The following ANKS1B variants were observed in gnomAD, a reference collection of about 807,000 sequenced individuals.
ANKS1B encodes ankyrin repeat and sterile alpha motif domain containing 1B, also known as ankyrin repeat and sterile alpha motif domain-containing protein 1B.
In ANKS1B, 36 loss-of-function variants were observed where a neutral mutation model predicts 148.3. The ratio of observed to expected loss-of-function variants is 0.24; its 90% CI spans 0.19 to 0.32. The LOEUF (loss-of-function observed/expected upper bound fraction) is 0.32, where lower values mean the gene tolerates loss of function less well. ANKS1B is among the 10% of genes least tolerant of loss of function. The probability of loss-of-function intolerance (pLI) is 1.00; values close to 1 mark genes in which losing one functional copy is unlikely to be tolerated. For synonymous variants in ANKS1B, 542 were observed against 560.8 expected (o/e 0.97, Z 0.47); for missense variants, 1,157 against 1,542.6 (o/e 0.75, Z 4.19).
chr12:98,854,393 T>C (rs1343697979), intron 17 of ANKS1B, among the ~76,000 whole-genome samples: 6 of 152,210 alleles, frequency 3.9e-5, no homozygotes, highest in Non-Finnish European at 8.8e-5. Flanking sequence ...ATCCTTGAGA[T>C]TTAAAATGAG....
intron 9 of ANKS1B, among the ~76,000 whole-genome samples, chr12:99,545,824 T>C (rs1303832186): frequency 6.6e-6 from 1 of 150,692 alleles, no homozygotes; most frequent in Non-Finnish European, 1.5e-5. Flanking sequence ...GGCTTCTTTG[T>C]TGCTTTTCTT....
intron 10 of ANKS1B, among the ~76,000 whole-genome samples, chr12:99,458,756 G>C (rs905158025): frequency 2.0e-5 from 3 of 151,792 alleles, no homozygotes; most frequent in Admixed American, 1.3e-4. Flanking sequence ...CAGCAAGATT[G>C]AAATGGTAAT....
At chr12:99,583,979 T>C (rs372955621) in intron 9 of ANKS1B, among the ~76,000 whole-genome samples, 1 of 152,222 alleles carries the variant, frequency 6.6e-6, no homozygotes, top group African/African-American at 2.4e-5. Flanking sequence ...GGCCCATTTT[T>C]CTGAAAAAAT....
At chr12:98,862,825 G>C (rs2099606269) in intron 17 of ANKS1B, among the ~76,000 whole-genome samples, 1 of 152,066 alleles carries the variant, frequency 6.6e-6, no homozygotes, top group Non-Finnish European at 1.5e-5. Flanking sequence ...TACACATTCA[G>C]GGCACATTTA....
At chr12:99,677,727 A>G (rs1320769438) in intron 8 of ANKS1B, among the ~76,000 whole-genome samples, 2 of 152,192 alleles carry the variant, frequency 1.3e-5, no homozygotes, top group African/African-American at 2.4e-5. Context: ...TAATCCCAGC[A>G]CTTTGGGAGG....
intron 25 of ANKS1B, among the ~76,000 whole-genome samples, chr12:98,766,767 C>T (rs1300591690): frequency 6.6e-6 from 1 of 152,138 alleles, no homozygotes; most frequent in African/African-American, 2.4e-5. Context: ...TCAAACTACT[C>T]CATGGAAGTA....
chr12:99,280,247 A>G (rs556117459), intron 12 of ANKS1B, among the ~76,000 whole-genome samples: 7 of 152,170 alleles, frequency 4.6e-5, no homozygotes, highest in Admixed American at 2.0e-4. Flanking sequence ...ATAAAATTTT[A>G]TAACAAACAC....
chr12:99,573,598 T>G (rs1049341728), intron 9 of ANKS1B, among the ~76,000 whole-genome samples: 1 of 152,076 alleles, frequency 6.6e-6, no homozygotes, highest in Non-Finnish European at 1.5e-5. Flanking sequence ...CTTAACATGG[T>G]TGGGGGAAAA....
intron 9 of ANKS1B, among the ~76,000 whole-genome samples, chr12:99,628,609 CTATTAG>C (rs2098130873): frequency 6.6e-6 from 1 of 152,102 alleles, no homozygotes; most frequent in Non-Finnish European, 1.5e-5. Flanking sequence ...TTTTGTGTTG[CTATTAG>C]TATAACAGAA....
At chr12:99,105,474 C>G (rs970088134) in intron 15 of ANKS1B, among the ~76,000 whole-genome samples, 1 of 152,146 alleles carries the variant, frequency 6.6e-6, no homozygotes, top group Non-Finnish European at 1.5e-5. Flanking sequence ...CCCAATGTCA[C>G]AGGAAATACT....
chr12:99,898,635 G>C (rs1263639806), intron 1 of ANKS1B, among the ~76,000 whole-genome samples: 1 of 152,042 alleles, frequency 6.6e-6, no homozygotes, highest in East Asian at 1.9e-4. Flanking sequence ...TCTGTTTTCT[G>C]TAATTTGCTA....
At chr12:99,703,511 T>C (rs1404942490) in intron 8 of ANKS1B, among the ~76,000 whole-genome samples, 2 of 152,124 alleles carry the variant, frequency 1.3e-5, no homozygotes, top group African/African-American at 4.8e-5. Context: ...AAACATATTA[T>C]CCTGTTTCAC....
chr12:98,981,524 C>T (rs1317712430), intron 17 of ANKS1B, among the ~76,000 whole-genome samples: 5 of 151,974 alleles, frequency 3.3e-5, no homozygotes, highest in African/African-American at 7.2e-5. Flanking sequence ...TTAGTGGAGA[C>T]GGGGTTTCAC....
intron 14 of ANKS1B, among the ~76,000 whole-genome samples, chr12:99,198,235 C>T (rs1293835627): frequency 1.3e-5 from 2 of 152,070 alleles, no homozygotes; most frequent in Non-Finnish European, 2.9e-5. Flanking sequence ...TATATTAGGC[C>T]AGGGACTATA....
chr12:98,753,665 G>T (rs1341322989), intron 25 of ANKS1B, among the ~76,000 whole-genome samples: 1 of 152,172 alleles, frequency 6.6e-6, no homozygotes, highest in African/African-American at 2.4e-5. Context: ...CACATCAGGG[G>T]ATCCACCCAC....
chr12:98,861,910 CA>C (rs1332444104), intron 17 of ANKS1B, among the ~76,000 whole-genome samples: 1 of 152,108 alleles, frequency 6.6e-6, no homozygotes, highest in Non-Finnish European at 1.5e-5. Flanking sequence ...AAGAATGATC[CA>C]AAGTAACACT....
At chr12:99,467,874 T>C (rs1171909157) in intron 10 of ANKS1B, among the ~76,000 whole-genome samples, 1 of 152,196 alleles carries the variant, frequency 6.6e-6, no homozygotes, top group Non-Finnish European at 1.5e-5. Context: ...CAAGGTAATT[T>C]ATAGATTCAA....
At chr12:99,602,909 T>C (rs906109825) in intron 9 of ANKS1B, among the ~76,000 whole-genome samples, 5 of 152,114 alleles carry the variant, frequency 3.3e-5, no homozygotes, top group African/African-American at 1.2e-4. Flanking sequence ...ATAGTTTTCA[T>C]CTGACACATA....
At chr12:99,800,033 G>T (rs2066745628) in intron 4 of ANKS1B, among the ~76,000 whole-genome samples, 1 of 152,128 alleles carries the variant, frequency 6.6e-6, no homozygotes, top group Admixed American at 6.6e-5. Flanking sequence ...AGACTGAAGG[G>T]AATATGTTAT....
Sources: allele counts gnomAD v4.1 joint callset (sites outside exome capture counted in the v4.1 genomes callset), GRCh38; gene constraint gnomAD v4.1.1; transcripts MANE v1.5; gene names NCBI Gene and HGNC (gene_info 2026-07-23, HGNC 2026-07-21).